The following BBS9 variants were observed in gnomAD, a reference collection of about 807,000 sequenced individuals.
BBS9 encodes the protein Bardet-Biedl syndrome 9.
BBS9 carries 89 observed loss-of-function variants against 117.7 expected under a neutral mutation model. The ratio of observed to expected loss-of-function variants is 0.76; its 90% CI spans 0.64 to 0.90. The LOEUF (loss-of-function observed/expected upper bound fraction) is 0.90, where lower values mean the gene tolerates loss of function less well. BBS9 is among the 40% of genes least tolerant of loss of function. The probability of loss-of-function intolerance (pLI) is 0.00; values close to 1 mark genes in which losing one functional copy is unlikely to be tolerated. For synonymous variants in BBS9, 379 were observed against 370.9 expected, an observed-to-expected ratio of 1.02 and a Z score of -0.25; for missense variants, 982 against 1,042.2, an observed-to-expected ratio of 0.94 and a Z score of 0.80.
intron 20 of BBS9, among the ~76,000 whole-genome samples, chr7:33,515,377 T>C (rs928152298): frequency 6.6e-6 from 1 of 152,216 alleles, no homozygotes; most frequent in Non-Finnish European, 1.5e-5. Context: ...TGTTTTTCCA[T>C]GTAGCATTGT....
chr7:33,496,756 A>T (rs573939855), intron 19 of BBS9, among the ~76,000 whole-genome samples: 1 of 152,350 alleles, frequency 6.6e-6, no homozygotes, highest in Non-Finnish European at 1.5e-5. Context: ...TAATGAATGC[A>T]TGTAGGTAAT....
intron 21 of BBS9, among the ~76,000 whole-genome samples, chr7:33,566,225 C>T (rs1023155026): frequency 6.6e-6 from 1 of 151,440 alleles, no homozygotes; most frequent in Non-Finnish European, 1.5e-5. Context: ...GGTCAGTGAT[C>T]AAGAAATGCT....
intron 8 of BBS9, 45 bp from the exon 9 acceptor site, chr7:33,273,782 A>G: frequency 6.3e-7 from 1 of 1,575,740 alleles, no homozygotes; most frequent in Non-Finnish European, 8.7e-7. Flanking sequence ...ACTTTTCCAA[A>G]TGACTGTTTT....
At chr7:33,540,645 G>C (rs1852147625) in intron 21 of BBS9, among the ~76,000 whole-genome samples, 3 of 152,194 alleles carry the variant, frequency 2.0e-5, no homozygotes, top group Admixed American at 2.0e-4. Flanking sequence ...ATCAGAAATG[G>C]TGGTAAGGAA....
intron 21 of BBS9, among the ~76,000 whole-genome samples, chr7:33,599,142 G>A (rs1330705579): frequency 6.6e-6 from 1 of 152,188 alleles, no homozygotes; most frequent in African/African-American, 2.4e-5. Flanking sequence ...AGCTAGCTAA[G>A]AGGCCCAATT....
chr7:33,358,022 C>A lies in BBS9; in HGVS notation c.1693+27C>A, dbSNP rs761703089. On this transcript the variant is annotated intron_variant, in intron 16 of 22. Transcript: ENST00000242067. ...TAAGACTGTTGAAATAACATGCCTG[C>A]AGCATCAAAAATGCTAAGAATTTAG... is the stretch of plus-strand genomic sequence containing the variant. The A allele has an allele frequency of 3.6e-5, 58 of 1,605,712 alleles. No homozygotes were observed. In the South Asian group the frequency reaches 6.2e-4, roughly 17 times the overall value.
At chr7:33,422,753 C>T (rs767983367) in intron 19 of BBS9, among the ~76,000 whole-genome samples, 11 of 152,006 alleles carry the variant, frequency 7.2e-5, no homozygotes, top group Non-Finnish European at 1.3e-4. Flanking sequence ...TTAATAAATG[C>T]GAATGTTCAG....
intron 21 of BBS9, among the ~76,000 whole-genome samples, chr7:33,611,463 AATAAT>A (rs72110123): frequency 0.088 from 12,585 of 143,240 alleles, 795 homozygotes; most frequent in African/African-American, 0.17. Context: ...TTAATATAAT[AATAAT>A]ATAATATATT....
chr7:33,155,029 G>A (rs973090553), intron 3 of BBS9, among the ~76,000 whole-genome samples: 2 of 152,182 alleles, frequency 1.3e-5, no homozygotes, highest in Non-Finnish European at 2.9e-5. Context: ...TGCCATGCTA[G>A]TTTCTGGAAA....
At chr7:33,435,119 A>G (rs1835104604) in intron 19 of BBS9, among the ~76,000 whole-genome samples, 1 of 152,206 alleles carries the variant, frequency 6.6e-6, no homozygotes. Flanking sequence ...GGTATAATAA[A>G]TACCGCATGT....
intron 1 of BBS9, among the ~76,000 whole-genome samples, chr7:33,144,064 A>G (rs904851554): frequency 1.3e-5 from 2 of 152,144 alleles, no homozygotes; most frequent in Admixed American, 6.5e-5. Flanking sequence ...TCATCACAAC[A>G]CCACTCTTAC....
At chr7:33,269,236 G>A (rs1799343526) in intron 7 of BBS9, among the ~76,000 whole-genome samples, 1 of 152,162 alleles carries the variant, frequency 6.6e-6, no homozygotes, top group African/African-American at 2.4e-5. Flanking sequence ...TCTTTAATGT[G>A]ACTTTTCATG....
At chr7:33,501,744 G>A (rs1028865834) in intron 19 of BBS9, among the ~76,000 whole-genome samples, 3 of 152,278 alleles carry the variant, frequency 2.0e-5, no homozygotes, top group East Asian at 3.9e-4. Flanking sequence ...GCTGCTTAGA[G>A]TGCAGCCTCC....
intron 19 of BBS9, among the ~76,000 whole-genome samples, chr7:33,424,970 T>G (rs1260376422): frequency 6.6e-6 from 1 of 152,166 alleles, no homozygotes; most frequent in Non-Finnish European, 1.5e-5. Context: ...ATTTTAAAAA[T>G]GTTTATTGAC....
intron 7 of BBS9, among the ~76,000 whole-genome samples, chr7:33,267,653 T>C (rs977587572): frequency 6.6e-6 from 1 of 152,168 alleles, no homozygotes; most frequent in African/African-American, 2.4e-5. Context: ...CTTCCAGTCT[T>C]TGTGCTATTG....
At chr7:33,521,943 G>A (rs1174803881) in intron 20 of BBS9, among the ~76,000 whole-genome samples, 9 of 128,118 alleles carry the variant, frequency 7.0e-5, no homozygotes, top group Non-Finnish European at 1.1e-4. Flanking sequence ...TCCCCTTCCT[G>A]TGTCCATGTG....
At chr7:33,555,066 C>T (rs905786072) in intron 21 of BBS9, among the ~76,000 whole-genome samples, 2 of 152,206 alleles carry the variant, frequency 1.3e-5, no homozygotes, top group African/African-American at 4.8e-5. Flanking sequence ...TATATTCACT[C>T]CTTCTCTTTC....
intron 17 of BBS9, among the ~76,000 whole-genome samples, chr7:33,378,264 T>G (rs1824273687): frequency 6.6e-6 from 1 of 152,212 alleles, no homozygotes; most frequent in African/African-American, 2.4e-5. Flanking sequence ...GAATGAGGAC[T>G]AGGATCATGT....
At chr7:33,431,755 A>G (rs901575835) in intron 19 of BBS9, among the ~76,000 whole-genome samples, 6 of 152,208 alleles carry the variant, frequency 3.9e-5, no homozygotes, top group Non-Finnish European at 7.3e-5. Flanking sequence ...ATGTTTTGCT[A>G]TAGCAGCCCA....
Sources: allele counts gnomAD v4.1 joint callset (sites outside exome capture counted in the v4.1 genomes callset), GRCh38; gene constraint gnomAD v4.1.1; transcripts MANE v1.5; gene names NCBI Gene and HGNC (gene_info 2026-07-23, HGNC 2026-07-21).